Variants in SLC1A6 observed in about 807,000 individuals in gnomAD.
SLC1A6 encodes the protein excitatory amino acid transporter 4.
SLC1A6 carries 15 observed loss-of-function variants against 42.1 expected under a neutral mutation model. The ratio of observed to expected loss-of-function variants is 0.36; its 90% confidence interval spans 0.24 to 0.55. The LOEUF (loss-of-function observed/expected upper bound fraction) is 0.55, where lower values mean the gene tolerates loss of function less well. SLC1A6 is among the 20% of genes least tolerant of loss of function. The probability of loss-of-function intolerance (pLI) is 0.88; values close to 1 mark genes in which losing one functional copy is unlikely to be tolerated. For synonymous variants in SLC1A6, 317 were observed against 319.7 expected, an observed-to-expected ratio of 0.99 and a Z score of 0.09; for missense variants, 542 against 772.5, an observed-to-expected ratio of 0.70 and a Z score of 3.54.
Position 14,995,643 on chromosome 19 carries a change from C to T in SLC1A6, c.6+14842G>A, listed in dbSNP as rs950524948. Among the ~76,000 whole-genome samples, 15 of 151,960 alleles carry T rather than the reference C, an allele frequency of 9.9e-5. No individual in the cohort carries two copies. The East Asian group carries it at 1.3e-3, about 14-fold the overall frequency. ...TTAGTCATTCCACAATATATATATA[C>T]GATAAAACGTTATGCTATACATGAT... On this transcript the variant is annotated intron_variant, in intron 1 of 8. Transcript: ENST00000430939.
chr19:15,006,031 G>A (rs1289189928), intron 1 of SLC1A6, among the ~76,000 whole-genome samples: 1 of 152,230 alleles, frequency 6.6e-6, no homozygotes, highest in African/African-American at 2.4e-5. Context: ...CTCACATGAG[G>A]TGTCTCCCTG....
intron 1 of SLC1A6, among the ~76,000 whole-genome samples, chr19:14,990,296 A>C (rs1019901665): frequency 6.6e-6 from 1 of 152,216 alleles, no homozygotes. Flanking sequence ...AACCTGGAGA[A>C]CATTATGTTG....
upstream of SLC1A6, among the ~76,000 whole-genome samples, chr19:14,981,504 A>T (rs529242990): frequency 6.6e-6 from 1 of 152,234 alleles, no homozygotes; most frequent in Non-Finnish European, 1.5e-5. Flanking sequence ...CCGCTGCTTC[A>T]GTCACTCACT....
intron 1 of SLC1A6, among the ~76,000 whole-genome samples, chr19:14,976,152 C>T (rs2045708624): frequency 1.3e-5 from 2 of 152,172 alleles, no homozygotes; most frequent in South Asian, 2.1e-4. Flanking sequence ...AACTCCATCC[C>T]ATCCAGAAAC....
chr19:14,970,150 G>A (rs930334471), intron 3 of SLC1A6, among the ~76,000 whole-genome samples: 4 of 152,052 alleles, frequency 2.6e-5, no homozygotes, highest in African/African-American at 7.2e-5. Context: ...ATCACAGCTC[G>A]CTGCAGCCTC....
intron 1 of SLC1A6, among the ~76,000 whole-genome samples, chr19:14,997,329 G>A (rs2145237586): frequency 6.6e-6 from 1 of 152,242 alleles, no homozygotes; most frequent in African/African-American, 2.4e-5. Context: ...GATGTCTCGT[G>A]TCTCTCTAAA....
At position 14,956,548 on chromosome 19, in the gene SLC1A6, G is replaced by C. The variant is rs770752701; in HGVS notation, c.1097C>G (p.Thr366Ser). The C allele has an allele frequency of 7.4e-6, 12 of 1,613,248 alleles. No individual in the cohort carries two copies. The highest frequency in any genetic ancestry group is 4.4e-5 in the South Asian group (4 of 90,996). ...AATGAAGGGGAAGGGGTTCCGGTGA[G>C]TGACGAGGAAGTAGATGAGGGGAAG... Reference protein sequence around the residue: ...IVLPLIYFLVTHRNPFPFIGG... With the variant: ...IVLPLIYFLVSHRNPFPFIGG... The change falls in exon 7 of 10, where the codon ACT (threonine) becomes AGT (serine). Residue 366 changes from threonine (T) to serine (S), a missense_variant. Around this residue, in one of 6 missense-constraint regions of SLC1A6, gnomAD observed 298 missense variants for 419.4 expected, o/e 0.71. Transcript: ENST00000594383.
chr19:14,998,892 A>ATTTATTTATTTT (rs2045859964), intron 1 of SLC1A6, among the ~76,000 whole-genome samples: 5 of 145,088 alleles, frequency 3.4e-5, no homozygotes, highest in Non-Finnish European at 7.7e-5. Context: ...TTATTTATTT[A>ATTTATTTATTTT]TTTTTAATGG....
upstream of SLC1A6, among the ~76,000 whole-genome samples, chr19:14,980,793 A>G (rs2045762861): frequency 6.6e-6 from 1 of 152,108 alleles, no homozygotes; most frequent in African/African-American, 2.4e-5. Flanking sequence ...ACTCCTATAA[A>G]GTATATATCA....
intron 1 of SLC1A6, among the ~76,000 whole-genome samples, chr19:15,007,552 A>AT (rs2045901608): frequency 7.9e-6 from 1 of 126,150 alleles, no homozygotes; most frequent in African/African-American, 3.3e-5. Context: ...ATTTCATCTC[A>AT]CAAAAAAAAA....
intron 1 of SLC1A6, among the ~76,000 whole-genome samples, chr19:14,991,416 G>A (rs1016988503): frequency 6.6e-6 from 1 of 152,156 alleles, no homozygotes; most frequent in Non-Finnish European, 1.5e-5. Context: ...CTAGAGGTCA[G>A]GAGTTCAAGC....
At chr19:14,969,216 C>A (rs770603598) in intron 3 of SLC1A6, among the ~76,000 whole-genome samples, 1 of 152,178 alleles carries the variant, frequency 6.6e-6, no homozygotes, top group Non-Finnish European at 1.5e-5. Context: ...CACCTCACGG[C>A]GCACCCTTTG....
intron 4 of SLC1A6, 30 bp downstream of exon 4, chr19:14,968,273 T>C (rs1456471923): frequency 2.7e-6 from 4 of 1,508,804 alleles, no homozygotes; most frequent in Non-Finnish European, 3.7e-6. Context: ...TTTTCAAATG[T>C]GTATATTGTG....
At chr19:15,006,214 T>G (rs2145245654) in intron 1 of SLC1A6, among the ~76,000 whole-genome samples, 1 of 152,342 alleles carries the variant, frequency 6.6e-6, no homozygotes, top group South Asian at 2.1e-4. Flanking sequence ...ACAATCCTAT[T>G]ACCTGAGTTG....
chr19:14,956,486 T>A lies in SLC1A6; in HGVS notation c.1159A>T (p.Thr387Ser). 6.3e-7 allele frequency: 1 copy of A among 1,575,776 alleles called. No homozygotes were observed. The highest frequency in any genetic ancestry group is 8.6e-7 in the Non-Finnish European group (1 of 1,157,730). ...MLQALITAMG[T>S]SSSSATLPIT... ...GGAGCAAGGCCATACCTGGAAGACG[T>A]GCCCATAGCGGTGATGAGGGCTTGT... is the stretch of plus-strand genomic sequence containing the variant. Residue 387 changes from threonine to serine, a missense_variant, in exon 7 of 10, where the codon ACG becomes TCG. Thr to Ser is a moderately conservative substitution (Grantham distance 58, BLOSUM62 1). Coordinates refer to ENST00000594383, the MANE Select transcript of SLC1A6 (RefSeq NM_005071.3).
At chr19:14,954,691 T>TG (rs1409799110) in intron 7 of SLC1A6, among the ~76,000 whole-genome samples, 1 of 151,946 alleles carries the variant, frequency 6.6e-6, no homozygotes, top group South Asian at 2.1e-4. Context: ...GCAGGCCAGG[T>TG]GGGGGGCTCC....
At chr19:14,960,864 A>G (rs145465664) in intron 6 of SLC1A6, among the ~76,000 whole-genome samples, 1 of 152,128 alleles carries the variant, frequency 6.6e-6, no homozygotes, top group East Asian at 1.9e-4. Context: ...CATGGTAGGT[A>G]TAGTTAAAAA....
At chr19:14,981,979 G>A (rs111244956), upstream of SLC1A6, among the ~76,000 whole-genome samples, 272 of 152,110 alleles carry the variant, frequency 1.8e-3, 1 homozygote, top group African/African-American at 6.1e-3. Context: ...GACCGCTTGA[G>A]TCCAAGAGGT....
At chr19:14,987,855 A>G (rs1051920025) in intron 1 of SLC1A6, among the ~76,000 whole-genome samples, 1 of 151,928 alleles carries the variant, frequency 6.6e-6, no homozygotes, top group Non-Finnish European at 1.5e-5. Flanking sequence ...TGGCTTTTTT[A>G]TTTGTTTTGG....
Sources: gnomAD v4.1 joint callset for allele counts (sites outside exome capture counted in the v4.1 genomes callset) on GRCh38, gnomAD v4.1.1 for gene constraint, gnomAD v4.1.1 regional missense constraint, MANE v1.5 for transcripts, NCBI Gene and HGNC (gene_info 2026-07-23, HGNC 2026-07-21) for gene names.